Variants in NR1I2 observed in about 807,000 individuals in gnomAD.
NR1I2 encodes the protein orphan nuclear receptor PAR1.
A neutral mutation model predicts 43.3 loss-of-function variants in NR1I2; 42 were observed. The ratio of observed to expected loss-of-function variants is 0.97; its 90% confidence interval spans 0.76 to 1.26. NR1I2 has a LOEUF of 1.26. NR1I2 is among the 50% of genes most tolerant of loss of function. The pLI is 0.00. For synonymous variants in NR1I2, 229 were observed against 215.0 expected, an observed-to-expected ratio of 1.06 and a Z score of -0.57; for missense variants, 559 against 566.7, an observed-to-expected ratio of 0.99 and a Z score of 0.14.
rs144379449 is a variant in NR1I2 at position 119,803,570 on chromosome 3, C to T, written c.-22-3659C>T. Among the ~76,000 whole-genome samples the T allele has an allele frequency of 2.3e-3, 344 of 152,116 alleles. 1 individual carries two copies. Among genetic ancestry groups the T allele is most frequent in the African/African-American group, 7.8e-3 (322 of 41,488 alleles). On this transcript the variant is annotated intron_variant, in intron 1 of 8. Transcript: ENST00000393716. ...TGTTGTTTATAAGCCACTCAGTTTC[C>T]GATATTTTGTTATGGCAACCTGAAT...
intron 4 of NR1I2, 75 bp downstream of exon 4, chr3:119,811,801 G>T: frequency 7.2e-7 from 1 of 1,397,120 alleles, no homozygotes. Context: ...GTTCCCCAAG[G>T]ATAAGAAACT....
Position 119,794,278 on chromosome 3 carries a change from G to A in NR1I2, c.-23+11978G>A, listed in dbSNP as rs537461330. 5.6e-4 allele frequency among the ~76,000 whole-genome samples: 85 copies of A among 151,826 alleles called. 3 individuals carry two copies. Among genetic ancestry groups the A allele is most frequent in the East Asian group, 9.7e-4 (5 of 5,148 alleles). The stretch of plus-strand genomic sequence containing the variant: ...TGTGAACATGGCTCACTGCAGCCTC[G>A]ACCTCCTGGGCTCACGTAATCTTTT... On this transcript the variant is annotated intron_variant, in intron 1 of 8. Transcript: ENST00000393716.
At chr3:119,798,114 C>T (rs1055548218) in intron 1 of NR1I2, among the ~76,000 whole-genome samples, 1 of 152,112 alleles carries the variant, frequency 6.6e-6, no homozygotes, top group Non-Finnish European at 1.5e-5. Flanking sequence ...AGTGTGCTTT[C>T]CCAGATTGCT....
chr3:119,788,716 G>T (rs555906077), intron 1 of NR1I2, among the ~76,000 whole-genome samples: 7 of 152,188 alleles, frequency 4.6e-5, no homozygotes, highest in Non-Finnish European at 1.0e-4. Context: ...GGGATTACAG[G>T]TGTGAGGCAC....
chr3:119,797,557 T>G (rs922641038), intron 1 of NR1I2, among the ~76,000 whole-genome samples: 1 of 152,014 alleles, frequency 6.6e-6, no homozygotes, highest in African/African-American at 2.4e-5. Context: ...AACCCCAAAT[T>G]CATCACTATT....
intron 1 of NR1I2, among the ~76,000 whole-genome samples, chr3:119,794,177 GT>G (rs1023329072): frequency 1.5e-4 from 23 of 151,418 alleles, no homozygotes; most frequent in African/African-American, 5.3e-4. Flanking sequence ...GCCTGGCTGA[GT>G]TTTTTTGTTT....
chr3:119,799,706 G>A (rs2055050407), intron 1 of NR1I2, among the ~76,000 whole-genome samples: 1 of 152,212 alleles, frequency 6.6e-6, no homozygotes, highest in South Asian at 2.1e-4. Context: ...TAGGCTGGGT[G>A]TGGTGGTTCA....
At position 119,817,042 on chromosome 3, in the gene NR1I2, C is replaced by T. The variant is rs1054473729; in HGVS notation, c.1161-26C>T. 3 of 1,613,970 alleles carry T rather than the reference C, an allele frequency of 1.9e-6. No homozygotes were observed. The East Asian group carries it at 6.7e-5, about 36-fold the overall frequency. ...TGTGGGTCAGGGCGGGCTGCACCCA[C>T]AATCTTTTCTCTGGCTGGCATGCAG... On this transcript the variant is annotated intron_variant, in intron 8 of 8. Transcript: ENST00000393716.
At chr3:119,782,731 C>A (rs749328875) in intron 1 of NR1I2, 20 of 1,527,946 alleles carry the variant, frequency 1.3e-5, no homozygotes, top group Non-Finnish European at 1.7e-5. Context: ...TTAGTGCTGG[C>A]AGCCCCCTGA....
At chr3:119,791,004 G>A (rs1198197913) in intron 1 of NR1I2, among the ~76,000 whole-genome samples, 1 of 152,182 alleles carries the variant, frequency 6.6e-6, no homozygotes, top group Non-Finnish European at 1.5e-5. Context: ...CCACCTCAGG[G>A]TGATGACTGC....
intron 5 of NR1I2, among the ~76,000 whole-genome samples, chr3:119,814,634 G>A (rs2107977685): frequency 6.6e-6 from 1 of 152,366 alleles, no homozygotes; most frequent in South Asian, 2.1e-4. Context: ...GAGGCAGAAA[G>A]GAGGAGGCCA....
rs180955933 is a variant in NR1I2, at chr3:119,817,419, G to A, written c.*207G>A. 4.9e-5 allele frequency: 70 copies of A among 1,439,880 alleles called. 1 individual carries two copies. The African/African-American group carries it at 9.5e-4, about 20-fold the overall frequency. 89.2% of individuals were successfully genotyped at this position (1,439,880 alleles called of 1,614,324 possible). On this transcript the variant is annotated 3_prime_UTR_variant, in exon 9 of 9. Coordinates refer to ENST00000393716, the MANE Select transcript of NR1I2 (RefSeq NM_003889.4). ...CCACCCCCAGTTCAGTCTGTAGGGA[G>A]TGAAGCCACAGACTCTTACGTGGAG...
rs774388887 is a variant in NR1I2 at position 119,815,845 on chromosome 3, G to T, written c.1160+14G>T. On this transcript the variant is annotated intron_variant, in intron 8 of 8. Transcript: ENST00000393716. ...GCCTGCTCATAGGTGAGCACAGCAG[G>T]GGGTGAGGACCCGTGAGGGTGATGT... 3.1e-6 allele frequency: 5 copies of T among 1,591,136 alleles called. No homozygotes were observed. The highest frequency in any genetic ancestry group is 3.4e-6 in the Non-Finnish European group (4 of 1,166,120).
intron 1 of NR1I2, among the ~76,000 whole-genome samples, chr3:119,806,800 C>T (rs1316557614): frequency 6.6e-6 from 1 of 152,150 alleles, no homozygotes; most frequent in Non-Finnish European, 1.5e-5. Flanking sequence ...GACTATCCTC[C>T]CTCAATGTCC....
intron 1 of NR1I2, among the ~76,000 whole-genome samples, chr3:119,789,394 GAAGGCAAACGGCATGTCTTACATGGTGT>G (rs1432015049): frequency 1.3e-5 from 2 of 152,302 alleles, no homozygotes; most frequent in East Asian, 1.9e-4. Flanking sequence ...AAACATGGTG[GAAGGCAAACGGCATGTCTTACATGGTGT>G]CAGGCAAGAG....
At chr3:119,791,226 C>G (rs1444087311) in intron 1 of NR1I2, among the ~76,000 whole-genome samples, 1 of 152,204 alleles carries the variant, frequency 6.6e-6, no homozygotes, top group Non-Finnish European at 1.5e-5. Flanking sequence ...AGCAATTACA[C>G]CATCCCTCAT....
At chr3:119,803,209 C>G (rs2055104324) in intron 1 of NR1I2, among the ~76,000 whole-genome samples, 1 of 151,672 alleles carries the variant, frequency 6.6e-6, no homozygotes, top group South Asian at 2.1e-4. Flanking sequence ...TGGTGGCATG[C>G]ACCTGTAGTC....
chr3:119,802,344 G>T (rs1467661966), intron 1 of NR1I2, among the ~76,000 whole-genome samples: 1 of 152,204 alleles, frequency 6.6e-6, no homozygotes, highest in Non-Finnish European at 1.5e-5. Flanking sequence ...AATTAGACAT[G>T]ATTTAAGTAA....
chr3:119,817,687 C>T lies in NR1I2; in HGVS notation c.*475C>T. On this transcript the variant is annotated 3_prime_UTR_variant, in exon 9 of 9. Coordinates refer to ENST00000393716, the MANE Select transcript of NR1I2 (RefSeq NM_003889.4). ...CTCCCACTTCCCACTCGTTCCCCTC[C>T]TCTTCCGAGCTGCTTTGTGGGCTCC... 1 of 1,111,716 alleles carries T rather than the reference C, an allele frequency of 9.0e-7. No homozygotes were observed. The highest frequency in any genetic ancestry group is 1.1e-6 in the Non-Finnish European group (1 of 902,438). The allele number at this position is 1,111,716 out of a possible 1,614,324, so 68.9% of individuals were successfully genotyped here.
Sources: allele counts gnomAD v4.1 joint callset (sites outside exome capture counted in the v4.1 genomes callset), GRCh38; gene constraint gnomAD v4.1.1; transcripts MANE v1.5; gene names NCBI Gene and HGNC (gene_info 2026-07-23, HGNC 2026-07-21).